The following TTC39B variants were observed in gnomAD, a reference collection of about 807,000 sequenced individuals.
TTC39B encodes the protein tetratricopeptide repeat protein 39B.
Under a neutral mutation model 96.6 loss-of-function variants are expected in TTC39B, and 92 were observed. That is an observed-to-expected ratio of 0.95 (90% CI 0.80 to 1.13). TTC39B has a LOEUF of 1.13. Ranked by LOEUF, TTC39B falls within the 50% of genes most tolerant of loss-of-function variation. The probability of loss-of-function intolerance (pLI) is 0.00; values close to 1 mark genes in which losing one functional copy is unlikely to be tolerated. For missense variants in TTC39B, 955 were observed against 809.3 expected (o/e 1.18, Z -2.18); for synonymous variants, 367 against 299.4 (o/e 1.23, Z -2.33).
chr9:15,270,880 T>G (rs1823324676), intron 1 of TTC39B, among the ~76,000 whole-genome samples: 1 of 152,134 alleles, frequency 6.6e-6, no homozygotes. Context: ...GGAAGTGTCT[T>G]AATTTTAAAA....
chr9:15,235,519 A>T (rs916524160), intron 2 of TTC39B, among the ~76,000 whole-genome samples: 1 of 152,200 alleles, frequency 6.6e-6, no homozygotes, highest in African/African-American at 2.4e-5. Context: ...TCATCAGACT[A>T]TCCAAGGTCA....
intron 1 of TTC39B, 66 bp downstream of exon 1, chr9:15,307,018 C>G: frequency 6.4e-7 from 1 of 1,573,828 alleles, no homozygotes; most frequent in Non-Finnish European, 8.6e-7. Flanking sequence ...GCCGGGCTCA[C>G]TCTTCTCTCC....
intron 2 of TTC39B, among the ~76,000 whole-genome samples, chr9:15,234,686 G>A (rs1263530865): frequency 6.6e-6 from 1 of 152,072 alleles, no homozygotes; most frequent in Non-Finnish European, 1.5e-5. Context: ...TCTGTACTAA[G>A]AAAAATTCTT....
At chr9:15,168,373 TA>T in exon 20 of TTC39B, 1 of 137,778 alleles carries the variant, frequency 7.3e-6, no homozygotes, top group Non-Finnish European at 1.5e-5. Context: ...TCATTTTAAC[TA>T]AATGTATTTG....
At chr9:15,234,290 C>G (rs577904140) in intron 2 of TTC39B, among the ~76,000 whole-genome samples, 1 of 148,680 alleles carries the variant, frequency 6.7e-6, no homozygotes, top group Non-Finnish European at 1.5e-5. Context: ...GGCCAGCCGC[C>G]CCATCCGGGA....
intron 1 of TTC39B, among the ~76,000 whole-genome samples, chr9:15,287,275 G>A (rs572818115): frequency 1.3e-5 from 2 of 152,290 alleles, no homozygotes; most frequent in South Asian, 4.1e-4. Flanking sequence ...TTCTCATTAA[G>A]AGAGAGGGAG....
chr9:15,166,985 TATATATATATATA>T (rs1817531280), exon 20 of TTC39B: 12 of 4,806 alleles, frequency 2.5e-3, no homozygotes, highest in African/African-American at 6.6e-3. Context: ...CTTTATTTTA[TATATATATATATA>T]TATATATATA....
At chr9:15,256,687 A>G (rs1253262659) in intron 2 of TTC39B, among the ~76,000 whole-genome samples, 1 of 152,208 alleles carries the variant, frequency 6.6e-6, no homozygotes, top group Non-Finnish European at 1.5e-5. Flanking sequence ...GTGGGAGGAC[A>G]CGCCAGCTGA....
intron 2 of TTC39B, among the ~76,000 whole-genome samples, chr9:15,235,356 GGAA>G (rs1241848652): frequency 6.6e-6 from 1 of 152,082 alleles, no homozygotes; most frequent in African/African-American, 2.4e-5. Flanking sequence ...TTCCTGAGAA[GGAA>G]GAAGAAAAAG....
intron 3 of TTC39B, 89 bp downstream of exon 3, chr9:15,225,828 A>G (rs1452513467): frequency 8.2e-7 from 1 of 1,223,094 alleles, no homozygotes; most frequent in Non-Finnish European, 1.2e-6. Context: ...GTCAAACGCA[A>G]TGCACTATGC....
At chr9:15,174,001 C>G (rs2118445721) in intron 19 of TTC39B, among the ~76,000 whole-genome samples, 1 of 152,250 alleles carries the variant, frequency 6.6e-6, no homozygotes, top group South Asian at 2.1e-4. Flanking sequence ...AGGAATGCTC[C>G]CTACCTAGTT....
At chr9:15,190,623 T>C (rs749926454) in exon 11 of TTC39B, 4 of 1,614,104 alleles carry the variant, frequency 2.5e-6, no homozygotes, top group Non-Finnish European at 2.5e-6. Flanking sequence ...CTCATGCTCC[T>C]TCCTGAAGCA....
intron 8 of TTC39B, among the ~76,000 whole-genome samples, chr9:15,197,864 C>T (rs952285324): frequency 6.6e-6 from 1 of 151,972 alleles, no homozygotes; most frequent in South Asian, 2.1e-4. Context: ...AAAAAAAACC[C>T]ATCGACTCAG....
chr9:15,210,311 T>C, intron 5 of TTC39B, 147 bp from the exon 6 acceptor site: 1 of 595,232 alleles, frequency 1.7e-6, no homozygotes, highest in Non-Finnish European at 3.0e-6. Context: ...AGGACACAGA[T>C]CATCCTTTTC....
intron 2 of TTC39B, among the ~76,000 whole-genome samples, chr9:15,259,516 A>C (rs571339530): frequency 2.6e-5 from 4 of 152,372 alleles, no homozygotes; most frequent in African/African-American, 9.6e-5. Context: ...TGTTTATAGC[A>C]GCATTATTCA....
In TTC39B at chr9:15,190,784, G is replaced by A. The variant is rs1818814801; in HGVS notation, c.997-122C>T. ...TACAGATTTCATATATTACGCTGTGGTGAAGTCTGGGCTTTTAGTGTCCCT... is the reference window on the plus strand; with the variant it reads ...TACAGATTTCATATATTACGCTGTGATGAAGTCTGGGCTTTTAGTGTCCCT... On this transcript the variant is annotated intron_variant, in intron 10 of 19. Coordinates refer to ENST00000512701, the Ensembl canonical transcript of TTC39B. 4 of 791,626 alleles carry A rather than the reference G, an allele frequency of 5.1e-6. No individual in the cohort carries two copies. The South Asian group carries it at 6.8e-5, about 13-fold the overall frequency. 49.0% of individuals were successfully genotyped at this position (791,626 alleles called of 1,614,324 possible). A position where few individuals can be genotyped will look rare whatever the true frequency, so the allele number is the denominator to read the frequency against.
intron 1 of TTC39B, among the ~76,000 whole-genome samples, chr9:15,285,237 C>T (rs1039565320): frequency 6.6e-6 from 1 of 151,452 alleles, no homozygotes; most frequent in African/African-American, 2.4e-5. Context: ...CCACTGCACT[C>T]CAGCCTGGGC....
chr9:15,285,340 C>G (rs1211576056), intron 1 of TTC39B, among the ~76,000 whole-genome samples: 2 of 151,068 alleles, frequency 1.3e-5, no homozygotes, highest in African/African-American at 4.9e-5. Flanking sequence ...CTCTAGACAA[C>G]TTTTTAAAAA....
intron 2 of TTC39B, among the ~76,000 whole-genome samples, chr9:15,254,849 ACACAC>A (rs1822691898): frequency 1.4e-5 from 2 of 141,662 alleles, no homozygotes; most frequent in Non-Finnish European, 3.0e-5. Context: ...ACACACACAC[ACACAC>A]ACACACAAAC....
Sources: gnomAD v4.1 joint callset for allele counts (sites outside exome capture counted in the v4.1 genomes callset) on GRCh38, gnomAD v4.1.1 for gene constraint, MANE v1.5 for transcripts, NCBI Gene and HGNC (gene_info 2026-07-23, HGNC 2026-07-21) for gene names.